Variants in WHAMM observed in about 807,000 individuals in gnomAD.
The protein encoded by WHAMM is WASP homolog associated with actin, golgi membranes and microtubules, also known as WASP homolog-associated protein with actin, membranes and microtubules.
WHAMM carries 67 observed loss-of-function variants against 76.5 expected under a neutral mutation model. The ratio of observed to expected loss-of-function variants is 0.88; its 90% CI spans 0.72 to 1.07. The LOEUF (loss-of-function observed/expected upper bound fraction) is 1.07, where lower values mean the gene tolerates loss of function less well. WHAMM is among the 50% of genes least tolerant of loss of function. The pLI is 0.00. For missense variants in WHAMM, 1,021 were observed against 1,051.1 expected, an observed-to-expected ratio of 0.97 and a Z score of 0.40; for synonymous variants, 419 against 422.1, an observed-to-expected ratio of 0.99 and a Z score of 0.09.
At chr15:82,826,313 C>T (rs1364717468) in intron 6 of WHAMM, 97 bp from the exon 7 acceptor site, 2 of 1,289,558 alleles carry the variant, frequency 1.6e-6, no homozygotes, top group Non-Finnish European at 2.2e-6. Context: ...GAATGCCTTA[C>T]ACTATAGCCC....
chr15:82,826,628 G>GCGCA, intron 7 of WHAMM, 123 bp from the exon 8 acceptor site: 1 of 1,569,678 alleles, frequency 6.4e-7, no homozygotes, highest in Non-Finnish European at 8.7e-7. Context: ...TGCAGCCTGG[G>GCGCA]CGCAGCCTTG....
intron 2 of WHAMM, among the ~76,000 whole-genome samples, chr15:82,813,759 C>T (rs1193485778): frequency 7.0e-6 from 1 of 142,248 alleles, no homozygotes; most frequent in Non-Finnish European, 1.5e-5. Context: ...CAGGTTCAAG[C>T]GACTCTTCTG....
intron 5 of WHAMM, among the ~76,000 whole-genome samples, chr15:82,820,890 C>CT (rs1487324528): frequency 3.1e-5 from 4 of 131,140 alleles, no homozygotes; most frequent in Non-Finnish European, 6.2e-5. Context: ...GTGTAAGACT[C>CT]TGTCTCAAAA....
Position 82,823,142 on chromosome 15 carries a change from C to A in WHAMM, c.1313C>A (p.Pro438Gln). 2 of 1,473,576 alleles carry A rather than the reference C, an allele frequency of 1.4e-6. No homozygotes were observed. The highest frequency in any genetic ancestry group is 1.8e-6 in the Non-Finnish European group (2 of 1,102,666). The allele number at this position is 1,473,576 out of a possible 1,614,324, so 91.3% of individuals were successfully genotyped here. The change falls in exon 6 of 10, where the codon CCA becomes CAA. Residue 438 changes from proline (P) to glutamine (Q), a missense_variant. Coordinates refer to ENST00000286760, the MANE Select transcript of WHAMM (RefSeq NM_001080435.3). ...EVVYYDPCEN[P>Q]EELKVIDCVV... ...GTCTATTACGATCCATGTGAAAATC[C>A]AGAGGAACTTAAAGTCATTGACTGT... is the stretch of plus-strand genomic sequence containing the variant.
At chr15:82,816,344 T>G (rs959260204) in intron 2 of WHAMM, among the ~76,000 whole-genome samples, 1 of 152,246 alleles carries the variant, frequency 6.6e-6, no homozygotes, top group Non-Finnish European at 1.5e-5. Flanking sequence ...TTCCAGGCCC[T>G]ATGCTGAGTG....
chr15:82,816,588 G>A (rs764125382), intron 2 of WHAMM, 104 bp from the exon 3 acceptor site: 7 of 1,056,948 alleles, frequency 6.6e-6, no homozygotes, highest in Non-Finnish European at 8.1e-6. Context: ...TGACTGAGTA[G>A]TAGTGTAGTT....
chr15:82,820,895 TCAAAAAAAAAAA>T (rs2050810999), intron 5 of WHAMM, among the ~76,000 whole-genome samples: 2 of 75,078 alleles, frequency 2.7e-5, no homozygotes, highest in African/African-American at 1.2e-4. Flanking sequence ...AGACTCTGTC[TCAAAAAAAAAAA>T]AAAAAAAAAA....
At position 82,833,260 on chromosome 15, in the gene WHAMM, G is replaced by T; in HGVS notation, c.2154G>T (p.Arg718Ser). ...GSMDEVLASL[R>S]HGRAPLRKVE... ...TGGATGAAGTGTTGGCCTCCTTAAG[G>T]CATGGCAGAGCTCCTCTCCGGAAGG... The change falls in exon 10 of 10, where the codon AGG becomes AGT. Residue 718 changes from arginine (R) to serine (S), a missense_variant. Around this residue, in one of 3 missense-constraint regions of WHAMM, gnomAD observed 509 missense variants for 492.3 expected, o/e 1.03. Transcript: ENST00000286760. The T allele has an allele frequency of 6.2e-7, 1 of 1,613,914 alleles. No homozygotes were observed. The highest frequency in any genetic ancestry group is 8.5e-7 in the Non-Finnish European group (1 of 1,179,868).
At chr15:82,819,561 C>T in intron 5 of WHAMM, 73 bp downstream of exon 5, 1 of 813,822 alleles carries the variant, frequency 1.2e-6, no homozygotes, top group Non-Finnish European at 1.7e-6. Flanking sequence ...TTATCAATTA[C>T]TTTTTGTAAA....
intron 9 of WHAMM, among the ~76,000 whole-genome samples, chr15:82,832,305 G>A (rs1038849937): frequency 6.6e-6 from 1 of 152,220 alleles, no homozygotes; most frequent in African/African-American, 2.4e-5. Context: ...TAATAAGAAG[G>A]TATAAGTTTA....
chr15:82,823,092 A>G lies in WHAMM; in HGVS notation c.1271-8A>G. ...ATATGTTTTAAACAATCATTAATAC[A>G]TTTTTAGAAAAACAAGATGAAGTTG... On this transcript the variant is annotated splice_polypyrimidine_tract_variant and splice_region_variant and intron_variant, in intron 5 of 9. Transcript: ENST00000286760. 2.3e-6 allele frequency: 3 copies of G among 1,306,524 alleles called. No individual in the cohort carries two copies. Among genetic ancestry groups the G allele is most frequent in the Non-Finnish European group, 2.0e-6 (2 of 1,015,644 alleles). 80.9% of individuals were successfully genotyped at this position (1,306,524 alleles called of 1,614,324 possible).
chr15:82,813,063 T>C (rs2050656231), intron 1 of WHAMM, 40 bp from the exon 2 acceptor site: 11 of 1,466,006 alleles, frequency 7.5e-6, no homozygotes, highest in Non-Finnish European at 1.0e-5. Flanking sequence ...GTATTAAATA[T>C]ACTGTCCTGA....
intron 5 of WHAMM, among the ~76,000 whole-genome samples, chr15:82,819,717 G>T (rs1331004522): frequency 6.6e-6 from 1 of 152,174 alleles, no homozygotes; most frequent in Non-Finnish European, 1.5e-5. Flanking sequence ...TGGTTGGCTG[G>T]GCACAGTGGC....
intron 5 of WHAMM, among the ~76,000 whole-genome samples, chr15:82,820,896 CAAA>C (rs60974626): frequency 1.7e-5 from 2 of 119,622 alleles, no homozygotes; most frequent in African/African-American, 3.2e-5. Flanking sequence ...GACTCTGTCT[CAAA>C]AAAAAAAAAA....
chr15:82,815,124 T>A (rs1707071784), intron 2 of WHAMM, among the ~76,000 whole-genome samples: 1 of 22,806 alleles, frequency 4.4e-5, no homozygotes, highest in African/African-American at 4.2e-4. Context: ...TATATATATA[T>A]ATATATATAT....
At chr15:82,815,119 A>T (rs1414541285) in intron 2 of WHAMM, among the ~76,000 whole-genome samples, 1 of 18,148 alleles carries the variant, frequency 5.5e-5, no homozygotes, top group Non-Finnish European at 8.8e-5. Context: ...TTTTATATAT[A>T]TATATATATA....
rs1292659616 is a variant in WHAMM, at chr15:82,830,665, G to T, written c.1708G>T (p.Asp570Tyr). 6.2e-7 allele frequency: 1 copy of T among 1,613,850 alleles called. No homozygotes were observed. The highest frequency in any genetic ancestry group is 1.7e-5 in the Admixed American group (1 of 59,998). Residue 570 changes from aspartate (D) to tyrosine (Y), a missense_variant, in exon 9 of 10, where the codon GAT becomes TAT. By Grantham distance (160) the Asp-to-Tyr change is radical. Transcript: ENST00000286760. ...SEPVAPNLPS[D>Y]LSQQMCLPAS... Reference sequence around the variant, plus strand: ...ACCTGTGGCTCCAAACCTGCCAAGTGATCTTTCCCAGCAGATGTGCTTGCC... The same window carrying T: ...ACCTGTGGCTCCAAACCTGCCAAGTTATCTTTCCCAGCAGATGTGCTTGCC...
At chr15:82,825,365 T>C (rs1251786519) in intron 6 of WHAMM, among the ~76,000 whole-genome samples, 1 of 152,020 alleles carries the variant, frequency 6.6e-6, no homozygotes, top group Non-Finnish European at 1.5e-5. Flanking sequence ...TTTTTATATA[T>C]ATATATAAAA....
chr15:82,813,951 C>T (rs1462253714), intron 2 of WHAMM, among the ~76,000 whole-genome samples: 1 of 152,136 alleles, frequency 6.6e-6, no homozygotes, highest in African/African-American at 2.4e-5. Flanking sequence ...TGAGCCACTG[C>T]ACCCAGCCTG....
Sources: allele counts gnomAD v4.1 joint callset (sites outside exome capture counted in the v4.1 genomes callset), GRCh38; gene constraint gnomAD v4.1.1; regional missense constraint gnomAD v4.1.1; transcripts MANE v1.5; gene names NCBI Gene and HGNC (gene_info 2026-07-23, HGNC 2026-07-21).